The following GPR174 variants were observed in gnomAD, a reference collection of about 807,000 sequenced individuals.
The protein encoded by GPR174 is probable G protein-coupled receptor 174.
GPR174 carries 8 observed loss-of-function variants against 16.5 expected under a neutral mutation model. The observed-to-expected ratio is 0.48, with a 90% confidence interval of 0.28 to 0.87. The LOEUF is 0.87. Among genes scored for constraint, GPR174 ranks in the 40% least tolerant of loss-of-function variants. The probability of loss-of-function intolerance (pLI) is 0.09; values close to 1 mark genes in which losing one functional copy is unlikely to be tolerated. For synonymous variants in GPR174, 111 were observed against 94.8 expected (o/e 1.17, Z -0.99); for missense variants, 214 against 247.5 (o/e 0.86, Z 0.91).
At chrX:79,153,166 A>G (rs756014064) in intron 1 of GPR174, among the ~76,000 whole-genome samples, 122 of 112,281 alleles carry the variant, frequency 1.1e-3, no homozygotes, top group African/African-American at 3.8e-3. Context: ...CTCTAAATAT[A>G]TGGCAGCTTT....
Position 79,171,735 on chromosome X carries a change from T to G in GPR174, c.728T>G (p.Phe243Cys). 1 of 1,211,621 alleles carries G rather than the reference T, an allele frequency of 8.3e-7. No individual in the cohort carries two copies. Among genetic ancestry groups the G allele is most frequent in the Non-Finnish European group, 1.1e-6 (1 of 895,454 alleles). ...TGTGCAGGGGTATTCCTAATTTGCTTTGCACCTTATCATTTCAGTTTTCCT... is the reference window on the plus strand; with the variant it reads ...TGTGCAGGGGTATTCCTAATTTGCTGTGCACCTTATCATTTCAGTTTTCCT... Reference protein sequence around the residue: ...LTCAGVFLICFAPYHFSFPLD... With the variant: ...LTCAGVFLICCAPYHFSFPLD... Residue 243 changes from phenylalanine (F) to cysteine (C), a missense_variant, in exon 3 of 3, where the codon TTT becomes TGT. Physicochemically the swap from Phe to Cys is radical, Grantham distance 205. Transcript: ENST00000645147.
At chrX:79,154,175 A>G (rs1024270701) in intron 1 of GPR174, among the ~76,000 whole-genome samples, 3 of 110,739 alleles carry the variant, frequency 2.7e-5, no homozygotes, top group African/African-American at 9.8e-5. Context: ...GCTCCAGTGT[A>G]TGATATGAGG....
chrX:79,171,459 T>C lies in GPR174; in HGVS notation c.452T>C (p.Leu151Pro), dbSNP rs1213183408. 8.3e-7 allele frequency: 1 copy of C among 1,211,441 alleles called. No individual in the cohort carries two copies. Among genetic ancestry groups the C allele is most frequent in the Non-Finnish European group, 1.1e-6 (1 of 895,198 alleles). ...CTGATCATCTGCCTTGCCTGTGTACTCTTTCCACTCCTCAGAACCAGTGAT... is the reference window on the plus strand; with the variant it reads ...CTGATCATCTGCCTTGCCTGTGTACCCTTTCCACTCCTCAGAACCAGTGAT... ...GWLIICLACV[L>P]FPLLRTSDDT... The change falls in exon 3 of 3, where the codon CTC becomes CCC. Residue 151 changes from leucine to proline, a missense_variant. By Grantham distance (98) the Leu-to-Pro change is moderately conservative (BLOSUM62 -3). Coordinates refer to ENST00000645147, the MANE Select transcript of GPR174 (RefSeq NM_032553.3).
At chrX:79,166,069 T>A (rs1042565688) in intron 2 of GPR174, among the ~76,000 whole-genome samples, 2 of 111,026 alleles carry the variant, frequency 1.8e-5, no homozygotes, top group African/African-American at 6.6e-5. Flanking sequence ...GATCTTCTCA[T>A]CACTTCTACT....
intron 1 of GPR174, among the ~76,000 whole-genome samples, chrX:79,152,156 C>T (rs1004546901): frequency 9.0e-5 from 10 of 111,454 alleles, no homozygotes; most frequent in Non-Finnish European, 1.9e-4. Flanking sequence ...CTCTCCTAAA[C>T]AGGTCTGCAA....
Position 79,145,000 on chromosome X carries a change from CTCTCTCTTTCTTTCTTTCTT to C in GPR174, c.-867_-848del, listed in dbSNP as rs1352053135. On this transcript the variant is annotated 5_prime_UTR_variant, in exon 1 of 3. Coordinates refer to ENST00000645147, the MANE Select transcript of GPR174 (RefSeq NM_032553.3). Reference sequence around the variant, plus strand: ...TCTTTTTCTTTCTTTCTTTCTCTCTCTCTCTCTTTCTTTCTTTCTTTCTTTCTTTCTTTCTTTCTTTCTTT... The same window carrying C: ...TCTTTTTCTTTCTTTCTTTCTCTCTCTCTTTCTTTCTTTCTTTCTTTCTTT... 2.5e-3 allele frequency: 85 copies of C among 33,543 alleles called. 1 individual carries two copies. The highest frequency in any genetic ancestry group is 0.018 in the East Asian group (20 of 1,091). 2.8% of individuals were successfully genotyped at this position (33,543 alleles called of 1,213,427 possible).
chrX:79,162,831 G>A (rs1485628262), intron 2 of GPR174, among the ~76,000 whole-genome samples: 1 of 111,597 alleles, frequency 9.0e-6, no homozygotes, highest in African/African-American at 3.3e-5. Context: ...CATGCTATGG[G>A]AATTTAAAGG....
Position 79,174,191 on chromosome X carries a change from TC to T in GPR174, c.*2184del, listed in dbSNP as rs890723361. On this transcript the variant is annotated 3_prime_UTR_variant, in exon 3 of 3. Transcript: ENST00000645147. Reference sequence around the variant, plus strand: ...TTGTTAGGCAGCCCATTTACATCATTCCAAAAAAGGACCAGTATTCAGTGTT... The same window carrying T: ...TTGTTAGGCAGCCCATTTACATCATTCAAAAAAGGACCAGTATTCAGTGTT... 3.7e-5 allele frequency: 4 copies of T among 109,410 alleles called. No individual in the cohort carries two copies. Among genetic ancestry groups the T allele is most frequent in the Non-Finnish European group, 7.6e-5 (4 of 52,545 alleles). The allele number at this position is 109,410 out of a possible 1,213,427, so 9.0% of individuals were successfully genotyped here.
chrX:79,174,184 A>G lies in GPR174; in HGVS notation c.*2175A>G, dbSNP rs778072167. 2 of 109,649 alleles carry G rather than the reference A, an allele frequency of 1.8e-5. No individual in the cohort carries two copies. The highest frequency in any genetic ancestry group is 3.8e-5 in the Non-Finnish European group (2 of 52,634). The allele number at this position is 109,649 out of a possible 1,213,427, so 9.0% of individuals were successfully genotyped here. ...GGCCCATTTGTTAGGCAGCCCATTT[A>G]CATCATTCCAAAAAAGGACCAGTAT... On this transcript the variant is annotated 3_prime_UTR_variant, in exon 3 of 3. Coordinates refer to ENST00000645147, the MANE Select transcript of GPR174 (RefSeq NM_032553.3).
At chrX:79,155,045 T>G (rs1203536740) in intron 1 of GPR174, among the ~76,000 whole-genome samples, 1 of 112,003 alleles carries the variant, frequency 8.9e-6, no homozygotes, top group Non-Finnish European at 1.9e-5. Context: ...AAACAGTGCC[T>G]AAGAATATTC....
chrX:79,160,017 A>T (rs941469408), intron 2 of GPR174, among the ~76,000 whole-genome samples: 1 of 111,841 alleles, frequency 8.9e-6, no homozygotes, highest in Non-Finnish European at 1.9e-5. Context: ...TTTTCAAATA[A>T]ATGTCATCAT....
chrX:79,163,481 A>C (rs773984356), intron 2 of GPR174, among the ~76,000 whole-genome samples: 1 of 111,681 alleles, frequency 9.0e-6, no homozygotes, highest in Non-Finnish European at 1.9e-5. Context: ...ACATCTGGAA[A>C]GATCGGGAAG....
intron 1 of GPR174, among the ~76,000 whole-genome samples, chrX:79,149,075 G>A (rs1484530984): frequency 9.0e-6 from 1 of 111,561 alleles, no homozygotes. Flanking sequence ...TAAATATTAT[G>A]AGCAAAATAT....
At position 79,172,116 on chromosome X, in the gene GPR174, C is replaced by A; in HGVS notation, c.*107C>A. 1 of 804,892 alleles carries A rather than the reference C, an allele frequency of 1.2e-6. No homozygotes were observed. Among genetic ancestry groups the A allele is most frequent in the Non-Finnish European group, 1.8e-6 (1 of 567,249 alleles). 66.3% of individuals were successfully genotyped at this position (804,892 alleles called of 1,213,427 possible). On this transcript the variant is annotated 3_prime_UTR_variant, in exon 3 of 3. Transcript: ENST00000645147. ...TGCAAAACAACACAGCTTTTCAGTTCTGCTCTATCTTACTGCTATGGGGAA... is the reference window on the plus strand; with the variant it reads ...TGCAAAACAACACAGCTTTTCAGTTATGCTCTATCTTACTGCTATGGGGAA...
At position 79,145,006 on chromosome X, in the gene GPR174, CTTTCTTTCTTTCTTTCTT is replaced by C. The variant is rs1234020490; in HGVS notation, c.-863_-846del. ...TCTTTCTTTCTTTCTCTCTCTCTCT[CTTTCTTTCTTTCTTTCTT>C]TCTTTCTTTCTTTCTTTCTTTCTTT... On this transcript the variant is annotated 5_prime_UTR_variant, in exon 1 of 3. Transcript: ENST00000645147. The C allele has an allele frequency of 8.9e-4, 6 of 6,744 alleles. No homozygotes were observed. The highest frequency in any genetic ancestry group is 2.0e-3 in the Admixed American group (1 of 490). 0.6% of individuals were successfully genotyped at this position (6,744 alleles called of 1,213,427 possible).
intron 2 of GPR174, among the ~76,000 whole-genome samples, chrX:79,161,928 C>T (rs1167072507): frequency 9.0e-6 from 1 of 111,607 alleles, no homozygotes; most frequent in Admixed American, 9.5e-5. Flanking sequence ...GATGCTTTTT[C>T]TTCAACTGAC....
Position 79,172,054 on chromosome X carries a change from G to T in GPR174, c.*45G>T. 1 of 1,123,580 alleles carries T rather than the reference G, an allele frequency of 8.9e-7. No homozygotes were observed. The highest frequency in any genetic ancestry group is 2.1e-5 in the South Asian group (1 of 46,907). 92.6% of individuals were successfully genotyped at this position (1,123,580 alleles called of 1,213,427 possible). A position where few individuals can be genotyped will look rare whatever the true frequency, so the allele number is the denominator to read the frequency against. On this transcript the variant is annotated 3_prime_UTR_variant, in exon 3 of 3. Transcript: ENST00000645147. Reference sequence around the variant, plus strand: ...TGTGACCTGAAATGCAAGTACATCAGAACATATCTGCAATACCCAAGCCAC... The same window carrying T: ...TGTGACCTGAAATGCAAGTACATCATAACATATCTGCAATACCCAAGCCAC...
At position 79,171,804 on chromosome X, in the gene GPR174, C is replaced by T. The variant is rs768792809; in HGVS notation, c.797C>T (p.Ala266Val). Residue 266 changes from alanine to valine, a missense_variant, in exon 3 of 3, where the codon GCC (alanine) becomes GTC (valine). By Grantham distance (64) the Ala-to-Val change is moderately conservative. Coordinates refer to ENST00000645147, the MANE Select transcript of GPR174 (RefSeq NM_032553.3). ...VKSNEIKSCL[A>V]RRVILIFHSV... is the part of the protein sequence containing the mutation. ...TCCAATGAAATTAAAAGCTGCCTAG[C>T]CAGAAGGGTGATTCTAATATTTCAT... The T allele has an allele frequency of 8.3e-7, 1 of 1,209,837 alleles. No individual in the cohort carries two copies. The highest frequency in any genetic ancestry group is 1.1e-6 in the Non-Finnish European group (1 of 894,486).
intron 2 of GPR174, among the ~76,000 whole-genome samples, chrX:79,167,973 A>T (rs1294280442): frequency 8.9e-6 from 1 of 112,090 alleles, no homozygotes; most frequent in Non-Finnish European, 1.9e-5. Context: ...AAAAAAAGTG[A>T]TAGAATACTC....
Sources: allele counts gnomAD v4.1 joint callset (sites outside exome capture counted in the v4.1 genomes callset), GRCh38; gene constraint gnomAD v4.1.1; transcripts MANE v1.5; gene names NCBI Gene and HGNC (gene_info 2026-07-23, HGNC 2026-07-21).